Variants in RANBP2 observed in about 807,000 individuals in gnomAD.
RANBP2 encodes the protein RAN binding protein 2.
RANBP2 carries 57 observed loss-of-function variants against 303.6 expected under a neutral mutation model. The observed-to-expected ratio is 0.19, with a 90% CI of 0.15 to 0.23. RANBP2 has a LOEUF of 0.23. Among genes scored for constraint, RANBP2 ranks in the 10% least tolerant of loss-of-function variants. The pLI, the probability that RANBP2 is intolerant of heterozygous loss-of-function variation, is 1.00. For missense variants in RANBP2, 3,138 were observed against 3,780.8 expected (o/e 0.83, Z 4.46); for synonymous variants, 1,167 against 1,301.5 (o/e 0.90, Z 2.23).
the RANBP2 span, among the ~76,000 whole-genome samples, chr2:109,401,389 C>T: frequency 6.6e-6 from 1 of 152,218 alleles, no homozygotes; most frequent in South Asian, 2.1e-4. Flanking sequence ...TCGTTTGTCT[C>T]CTTCCTCCTA....
At chr2:108,724,669 C>T (rs1417854941) in intron 1 of RANBP2, among the ~76,000 whole-genome samples, 4 of 151,924 alleles carry the variant, frequency 2.6e-5, no homozygotes, top group Admixed American at 2.6e-4. Flanking sequence ...TACCTGAAAG[C>T]TGGAGTTTCT....
chr2:108,834,662 A>G, the RANBP2 span, among the ~76,000 whole-genome samples: 10,574 of 152,326 alleles, frequency 0.069, 2,823 homozygotes, highest in East Asian at 0.87. Flanking sequence ...GGCATTAAGT[A>G]TATTCCCAAT....
the RANBP2 span, among the ~76,000 whole-genome samples, chr2:108,959,101 G>A: frequency 6.6e-6 from 1 of 152,236 alleles, no homozygotes; most frequent in Non-Finnish European, 1.5e-5. Flanking sequence ...AGTTCTCTGT[G>A]GCTTCCCGTG....
chr2:108,979,281 G>C, the RANBP2 span, among the ~76,000 whole-genome samples: 2 of 152,156 alleles, frequency 1.3e-5, no homozygotes, highest in South Asian at 4.1e-4. Flanking sequence ...TCTGGTTGGA[G>C]AAGTTTAGTC....
At chr2:108,912,686 G>T in the RANBP2 span, 1 of 1,593,276 alleles carries the variant, frequency 6.3e-7, no homozygotes, top group South Asian at 1.2e-5. Flanking sequence ...ACCTTTGTGG[G>T]CGTGCTGGAA....
At chr2:108,869,474 G>A in the RANBP2 span, among the ~76,000 whole-genome samples, 1 of 152,150 alleles carries the variant, frequency 6.6e-6, no homozygotes, top group South Asian at 2.1e-4. Flanking sequence ...CACATACAGG[G>A]AATGCGGCAT....
the RANBP2 span, chr2:109,613,481 C>T: frequency 9.7e-5 from 24 of 247,632 alleles, 1 homozygote; most frequent in African/African-American, 5.2e-4. Flanking sequence ...CCGTTATAGC[C>T]GTAAGAGACC....
the RANBP2 span, among the ~76,000 whole-genome samples, chr2:109,032,577 C>T: frequency 2.0e-5 from 3 of 151,932 alleles, no homozygotes; most frequent in Admixed American, 2.0e-4. Context: ...GCGCTTTCTC[C>T]CCTCCCCATG....
chr2:108,733,031 C>T (rs1049325977), intron 4 of RANBP2, among the ~76,000 whole-genome samples: 1 of 152,054 alleles, frequency 6.6e-6, no homozygotes, highest in Non-Finnish European at 1.5e-5. Flanking sequence ...ACCATGTTGG[C>T]CTGGCTGGTC....
At chr2:108,995,436 A>C in the RANBP2 span, among the ~76,000 whole-genome samples, 10 of 152,150 alleles carry the variant, frequency 6.6e-5, no homozygotes, top group Non-Finnish European at 1.2e-4. Flanking sequence ...GTTCTCCCTT[A>C]CTCTTCACCT....
the RANBP2 span, among the ~76,000 whole-genome samples, chr2:109,624,815 T>A: frequency 6.6e-6 from 1 of 152,078 alleles, no homozygotes; most frequent in Non-Finnish European, 1.5e-5. Context: ...GCATGGTGGC[T>A]CACTCCTGTA....
chr2:109,484,365 T>G, the RANBP2 span, among the ~76,000 whole-genome samples: 1 of 152,112 alleles, frequency 6.6e-6, no homozygotes, highest in South Asian at 2.1e-4. Flanking sequence ...CCCTGCCTGG[T>G]CATCCCACTG....
At chr2:109,157,662 G>A in the RANBP2 span, among the ~76,000 whole-genome samples, 4 of 152,322 alleles carry the variant, frequency 2.6e-5, no homozygotes, top group South Asian at 8.3e-4. Flanking sequence ...ATATAAAGAT[G>A]TGATTCAGTT....
chr2:108,991,790 C>T, the RANBP2 span, among the ~76,000 whole-genome samples: 2,947 of 152,216 alleles, frequency 0.019, 71 homozygotes, highest in South Asian at 0.054. Context: ...TTCTGGTCAT[C>T]GTGATTTTAA....
At chr2:109,370,621 A>G in the RANBP2 span, among the ~76,000 whole-genome samples, 6 of 151,550 alleles carry the variant, frequency 4.0e-5, no homozygotes. Flanking sequence ...GTGAGTCCCC[A>G]TCTCTCCTCC....
chr2:109,324,168 C>A, the RANBP2 span, among the ~76,000 whole-genome samples: 21 of 152,176 alleles, frequency 1.4e-4, no homozygotes, highest in African/African-American at 5.1e-4. Flanking sequence ...GAATAATAAT[C>A]CATTGTGTGG....
At chr2:109,451,556 C>T in the RANBP2 span, among the ~76,000 whole-genome samples, 1 of 152,340 alleles carries the variant, frequency 6.6e-6, no homozygotes, top group African/African-American at 2.4e-5. Context: ...CGAATCTACA[C>T]GGAGGATGAT....
At chr2:108,869,639 G>A in the RANBP2 span, among the ~76,000 whole-genome samples, 1 of 152,040 alleles carries the variant, frequency 6.6e-6, no homozygotes. Context: ...AAGAAGCTTG[G>A]GTGAGATTCT....
At chr2:109,265,613 G>A in the RANBP2 span, among the ~76,000 whole-genome samples, 1 of 152,328 alleles carries the variant, frequency 6.6e-6, no homozygotes, top group African/African-American at 2.4e-5. Context: ...GCCCCCCAGG[G>A]GCCTGCATGG....
Sources: gnomAD v4.1 joint callset for allele counts (sites outside exome capture counted in the v4.1 genomes callset) on GRCh38, gnomAD v4.1.1 for gene constraint, MANE v1.5 for transcripts, NCBI Gene and HGNC (gene_info 2026-07-23, HGNC 2026-07-21) for gene names.